STX18: variants seen among roughly 807,000 people sequenced by gnomAD.
STX18 encodes syntaxin 18, also known as syntaxin-18.
Under a neutral mutation model 50.1 loss-of-function variants are expected in STX18, and 40 were observed. The ratio of observed to expected loss-of-function variants is 0.80; its 90% CI spans 0.62 to 1.04. The LOEUF is 1.04. Ranked by LOEUF, STX18 falls within the 50% of genes least tolerant of loss-of-function variation. The probability of loss-of-function intolerance (pLI) is 0.00; values close to 1 mark genes in which losing one functional copy is unlikely to be tolerated. For missense variants in STX18, 410 were observed against 415.8 expected (o/e 0.99, Z 0.12); for synonymous variants, 158 against 151.8 (o/e 1.04, Z -0.30).
chr4:4,507,562 C>A, intron 1 of STX18: 1 of 765,514 alleles, frequency 1.3e-6, no homozygotes, highest in Non-Finnish European at 2.4e-6. Flanking sequence ...CAGGAGTGCA[C>A]TCTGACAGCT....
intron 5 of STX18, among the ~76,000 whole-genome samples, chr4:4,447,669 G>A (rs1726500996): frequency 7.3e-6 from 1 of 137,566 alleles, no homozygotes; most frequent in Admixed American, 8.2e-5. Flanking sequence ...TAGAGTTACT[G>A]CTTTATATGT....
At chr4:4,493,232 T>A (rs1729019226) in intron 1 of STX18, among the ~76,000 whole-genome samples, 1 of 152,294 alleles carries the variant, frequency 6.6e-6, no homozygotes, top group Non-Finnish European at 1.5e-5. Context: ...CTAAACATTA[T>A]CATTTTCTCT....
chr4:4,430,912 C>G (rs1273172453), intron 7 of STX18, among the ~76,000 whole-genome samples: 1 of 152,180 alleles, frequency 6.6e-6, no homozygotes, highest in Non-Finnish European at 1.5e-5. Context: ...GGTATAAATT[C>G]ATAGCCAACT....
At chr4:4,447,818 T>G (rs1726510677) in intron 5 of STX18, among the ~76,000 whole-genome samples, 1 of 152,152 alleles carries the variant, frequency 6.6e-6, no homozygotes, top group Non-Finnish European at 1.5e-5. Context: ...AGACAATTTT[T>G]TTTGTGAAGT....
intron 1 of STX18, among the ~76,000 whole-genome samples, chr4:4,494,990 T>TG (rs1729105208): frequency 6.6e-6 from 1 of 152,172 alleles, no homozygotes; most frequent in Non-Finnish European, 1.5e-5. Flanking sequence ...ATAAGGCCCC[T>TG]GGATGATTCT....
intron 1 of STX18, among the ~76,000 whole-genome samples, chr4:4,499,076 G>C (rs1257413782): frequency 1.3e-5 from 2 of 152,204 alleles, no homozygotes; most frequent in Admixed American, 6.5e-5. Flanking sequence ...AGGCTATCAT[G>C]AATTTACATA....
At chr4:4,440,782 T>G (rs955674224) in intron 5 of STX18, among the ~76,000 whole-genome samples, 1 of 152,218 alleles carries the variant, frequency 6.6e-6, no homozygotes, top group Admixed American at 6.5e-5. Flanking sequence ...GTCACTGTTA[T>G]CAATCTTTTT....
intron 1 of STX18, among the ~76,000 whole-genome samples, chr4:4,529,306 G>C (rs907400881): frequency 2.6e-5 from 4 of 152,186 alleles, no homozygotes; most frequent in Admixed American, 1.3e-4. Flanking sequence ...AGCTTGCAGT[G>C]AATCAAGATC....
At chr4:4,473,342 G>GAGT (rs1461519005) in intron 1 of STX18, among the ~76,000 whole-genome samples, 2 of 150,084 alleles carry the variant, frequency 1.3e-5, no homozygotes, top group African/African-American at 4.9e-5. Flanking sequence ...ACCAGGGCTG[G>GAGT]AGTGCAGTGG....
intron 1 of STX18, among the ~76,000 whole-genome samples, chr4:4,504,095 T>A (rs1729584184): frequency 6.6e-6 from 1 of 152,122 alleles, no homozygotes; most frequent in Non-Finnish European, 1.5e-5. Context: ...ACAAATAAAA[T>A]TCTATGAAGC....
rs1418214374 is a variant in STX18, at chr4:4,420,892, A to G, written c.884T>C (p.Ile295Thr). The G allele has an allele frequency of 2.5e-6, 4 of 1,614,146 alleles. No homozygotes were observed. Among genetic ancestry groups the G allele is most frequent in the East Asian group, 2.2e-5 (1 of 44,880 alleles). ...TCTTATGTCTTCGTTGCCTTCCTTG[A>G]TATTTTCAGTTGCCCCCACAACTAA... ...HQLVVGATEN[I>T]KEGNEDIREA... Residue 295 changes from isoleucine to threonine, a missense_variant, in exon 10 of 11, where the codon ATC (isoleucine) becomes ACC (threonine). Ile to Thr is a moderately conservative substitution (Grantham distance 89, BLOSUM62 -1). Coordinates refer to ENST00000306200, the MANE Select transcript of STX18 (RefSeq NM_016930.4). The surrounding 1 kb of genome is among the most constrained non-coding windows in gnomAD (Gnocchi z 4.3).
At chr4:4,491,268 C>T (rs1350660430) in intron 1 of STX18, among the ~76,000 whole-genome samples, 2 of 152,028 alleles carry the variant, frequency 1.3e-5, no homozygotes, top group Non-Finnish European at 2.9e-5. Context: ...ATACAAAATG[C>T]CATTTCTTTC....
At chr4:4,536,662 G>A (rs1731349987) in intron 1 of STX18, among the ~76,000 whole-genome samples, 1 of 152,182 alleles carries the variant, frequency 6.6e-6, no homozygotes, top group Admixed American at 6.5e-5. Flanking sequence ...GGGGAGAGGA[G>A]GTGAGGCCAG....
chr4:4,479,750 A>C (rs190495231), intron 1 of STX18, among the ~76,000 whole-genome samples: 3 of 152,366 alleles, frequency 2.0e-5, no homozygotes, highest in African/African-American at 7.2e-5. Context: ...ATTCATTATA[A>C]AACAGCAGTA....
intron 1 of STX18, among the ~76,000 whole-genome samples, chr4:4,512,304 G>A (rs918049747): frequency 6.6e-6 from 1 of 151,894 alleles, no homozygotes; most frequent in Non-Finnish European, 1.5e-5. Context: ...CAGGCCTCTG[G>A]ACTAAGAATA....
At chr4:4,449,567 T>C (rs991217180) in intron 5 of STX18, among the ~76,000 whole-genome samples, 1 of 152,242 alleles carries the variant, frequency 6.6e-6, no homozygotes, top group African/African-American at 2.4e-5. Flanking sequence ...CGCGGTTGGA[T>C]TCAAGTCATG....
At chr4:4,503,804 T>C (rs1180556268) in intron 1 of STX18, among the ~76,000 whole-genome samples, 1 of 152,108 alleles carries the variant, frequency 6.6e-6, no homozygotes, top group Non-Finnish European at 1.5e-5. Flanking sequence ...TTTCAACAAA[T>C]GATGGTGGAT....
Position 4,419,929 on chromosome 4 carries a change from T to C in STX18, c.*105A>G. 1.1e-6 allele frequency: 1 copy of C among 916,660 alleles called. No individual in the cohort carries two copies. Among genetic ancestry groups the C allele is most frequent in the South Asian group, 1.5e-5 (1 of 65,532 alleles). 56.8% of individuals were successfully genotyped at this position (916,660 alleles called of 1,614,324 possible). ...GAACTCCTTTCCCTTCAAATGGCAC[T>C]GTGATAAAATCTGGTCATACCATGC... On this transcript the variant is annotated 3_prime_UTR_variant, in exon 11 of 11. Transcript: ENST00000306200.
chr4:4,518,660 C>T (rs572167834), intron 1 of STX18, among the ~76,000 whole-genome samples: 1 of 152,252 alleles, frequency 6.6e-6, no homozygotes, highest in East Asian at 1.9e-4. Flanking sequence ...TCCTTCCTCT[C>T]TCTTTTCCTT....
Sources: allele counts gnomAD v4.1 joint callset (sites outside exome capture counted in the v4.1 genomes callset), GRCh38; gene constraint gnomAD v4.1.1; non-coding constraint Gnocchi (gnomAD v3.1); transcripts MANE v1.5; gene names NCBI Gene and HGNC (gene_info 2026-07-23, HGNC 2026-07-21).